Variants in ULK4 observed in about 807,000 individuals in gnomAD.
ULK4 encodes the protein unc-51 like kinase 4.
A neutral mutation model predicts 160.6 loss-of-function variants in ULK4; 133 were observed. The observed-to-expected ratio is 0.83, with a 90% CI of 0.72 to 0.96. ULK4 has a LOEUF of 0.96. Ranked by LOEUF, ULK4 falls within the 40% of genes least tolerant of loss-of-function variation. ULK4 has a pLI of 0.00. For synonymous variants in ULK4, 534 were observed against 539.8 expected, an observed-to-expected ratio of 0.99 and a Z score of 0.15; for missense variants, 1,580 against 1,499.5, an observed-to-expected ratio of 1.05 and a Z score of -0.89.
At chr3:41,379,996 A>G (rs2081611805) in intron 35 of ULK4, among the ~76,000 whole-genome samples, 2 of 152,200 alleles carry the variant, frequency 1.3e-5, no homozygotes, top group South Asian at 2.1e-4. Flanking sequence ...ATTGTTGGGT[A>G]GTTGGCTGTC....
chr3:41,679,946 TCAGA>T (rs1175742458), intron 29 of ULK4, among the ~76,000 whole-genome samples: 1 of 152,164 alleles, frequency 6.6e-6, no homozygotes, highest in Non-Finnish European at 1.5e-5. Flanking sequence ...ACCCCTGAGC[TCAGA>T]CAATCTTCCA....
At chr3:41,295,386 G>A (rs1466929293) in intron 35 of ULK4, among the ~76,000 whole-genome samples, 3 of 133,222 alleles carry the variant, frequency 2.3e-5, no homozygotes, top group Admixed American at 7.3e-5. Context: ...GATAACATAG[G>A]AAAACAAATC....
At chr3:41,442,917 C>T (rs1385097061) in intron 34 of ULK4, among the ~76,000 whole-genome samples, 2 of 152,090 alleles carry the variant, frequency 1.3e-5, no homozygotes, top group East Asian at 1.9e-4. Context: ...TTGAATAGTG[C>T]TTCTCTTCTT....
intron 35 of ULK4, among the ~76,000 whole-genome samples, chr3:41,308,658 C>T (rs947582207): frequency 2.0e-5 from 3 of 152,128 alleles, no homozygotes; most frequent in Non-Finnish European, 4.4e-5. Context: ...AAAATAGATA[C>T]GGGTTGAGTA....
chr3:41,343,775 C>T (rs537517556), intron 35 of ULK4, among the ~76,000 whole-genome samples: 2 of 152,192 alleles, frequency 1.3e-5, no homozygotes, highest in South Asian at 4.1e-4. Context: ...ATAAAATACC[C>T]AGCAATAGAG....
intron 35 of ULK4, among the ~76,000 whole-genome samples, chr3:41,324,411 T>C (rs1026289733): frequency 1.3e-5 from 2 of 152,242 alleles, no homozygotes; most frequent in African/African-American, 4.8e-5. Context: ...CAAATGTCTG[T>C]GTACTCTGTG....
chr3:41,783,540 A>C (rs75250235), intron 21 of ULK4, among the ~76,000 whole-genome samples: 43 of 151,956 alleles, frequency 2.8e-4, no homozygotes, highest in African/African-American at 1.0e-3. Flanking sequence ...TGTCTCAAAA[A>C]AAAAAAAAAG....
chr3:41,604,943 C>T (rs753587554), intron 31 of ULK4, among the ~76,000 whole-genome samples: 12 of 152,108 alleles, frequency 7.9e-5, no homozygotes, highest in Admixed American at 4.6e-4. Context: ...AATGTGCTCA[C>T]TTGCTTCTCA....
chr3:41,902,395 T>A (rs1033495871), intron 12 of ULK4, among the ~76,000 whole-genome samples: 1 of 151,976 alleles, frequency 6.6e-6, no homozygotes, highest in Admixed American at 6.6e-5. Context: ...CTGACCAACA[T>A]GGTGAAACAC....
Position 41,706,310 on chromosome 3 carries a change from A to G in ULK4, c.2635-1005T>C, listed in dbSNP as rs560613043. 2.6e-4 allele frequency among the ~76,000 whole-genome samples: 39 copies of G among 150,476 alleles called. No individual in the cohort carries two copies. The East Asian group carries it at 7.4e-3, about 28-fold the overall frequency. ...GAGCACCCATGTTACTGACAGCAAG[A>G]ACGCTGCAACGGAGTTCTTGCCACT... On this transcript the variant is annotated intron_variant, in intron 25 of 36. Transcript: ENST00000301831.
At chr3:41,779,939 A>G (rs2039766399) in intron 21 of ULK4, among the ~76,000 whole-genome samples, 1 of 126,584 alleles carries the variant, frequency 7.9e-6, no homozygotes, top group South Asian at 2.9e-4. Context: ...TACATATGTA[A>G]CTAACCTGCA....
chr3:41,352,284 AG>A (rs1297823513), intron 35 of ULK4, among the ~76,000 whole-genome samples: 1 of 152,150 alleles, frequency 6.6e-6, no homozygotes, highest in Non-Finnish European at 1.5e-5. Flanking sequence ...GTAGCTACAG[AG>A]GAATGGTAAG....
intron 35 of ULK4, among the ~76,000 whole-genome samples, chr3:41,308,832 A>AC (rs1312915564): frequency 1.0e-5 from 1 of 99,634 alleles, no homozygotes; most frequent in Non-Finnish European, 1.9e-5. Context: ...AATCCAAAAC[A>AC]CTCTGGTCAT....
At chr3:41,265,667 G>T (rs1271072577) in intron 35 of ULK4, among the ~76,000 whole-genome samples, 1 of 152,156 alleles carries the variant, frequency 6.6e-6, no homozygotes, top group Non-Finnish European at 1.5e-5. Context: ...ACTCCATTTG[G>T]AAACATTTTA....
chr3:41,389,384 C>T (rs2081900528), intron 35 of ULK4, among the ~76,000 whole-genome samples: 1 of 152,034 alleles, frequency 6.6e-6, no homozygotes, highest in South Asian at 2.1e-4. Context: ...GCCTGATTAC[C>T]CTGGCCAGAA....
chr3:41,853,402 A>AT (rs1299380307), intron 17 of ULK4, among the ~76,000 whole-genome samples: 1 of 152,184 alleles, frequency 6.6e-6, no homozygotes, highest in Non-Finnish European at 1.5e-5. Flanking sequence ...CAGCCTGGGC[A>AT]TAAGAACTTA....
chr3:41,766,086 C>T lies in ULK4; in HGVS notation c.2194-11598G>A, dbSNP rs983093654. On this transcript the variant is annotated intron_variant, in intron 21 of 36. Transcript: ENST00000301831. ...GAGTTCAAGACCAGCCTGGCCAAGA[C>T]GGTAAAACCCCATCTCTACTAAAAA... Among the ~76,000 whole-genome samples, 7 of 151,772 alleles carry T rather than the reference C, an allele frequency of 4.6e-5. No individual in the cohort carries two copies. In the East Asian group the frequency reaches 1.2e-3, roughly 25 times the overall value.
chr3:41,399,802 C>T (rs1487951936), intron 34 of ULK4, among the ~76,000 whole-genome samples: 1 of 151,998 alleles, frequency 6.6e-6, no homozygotes, highest in Non-Finnish European at 1.5e-5. Context: ...CGGGTCTCAC[C>T]ATGCTGCCAC....
chr3:41,395,695 G>A (rs983013658), intron 35 of ULK4, among the ~76,000 whole-genome samples: 1 of 152,126 alleles, frequency 6.6e-6, no homozygotes, highest in Non-Finnish European at 1.5e-5. Flanking sequence ...TGTGGAGATG[G>A]ATAATAGTGA....
Sources: gnomAD v4.1 joint callset for allele counts (sites outside exome capture counted in the v4.1 genomes callset) on GRCh38, gnomAD v4.1.1 for gene constraint, MANE v1.5 for transcripts, NCBI Gene and HGNC (gene_info 2026-07-23, HGNC 2026-07-21) for gene names.